The following ASIC2 variants were observed in gnomAD, a reference collection of about 807,000 sequenced individuals.
ASIC2 encodes acid sensing ion channel subunit 2.
A neutral mutation model predicts 57.3 loss-of-function variants in ASIC2; 25 were observed. That is an observed-to-expected ratio of 0.44 (90% CI 0.32 to 0.61). ASIC2 has a LOEUF of 0.61. Ranked by LOEUF, ASIC2 falls within the 20% of genes least tolerant of loss-of-function variation. ASIC2 has a pLI of 0.06. For missense variants in ASIC2, 641 were observed against 738.1 expected, an observed-to-expected ratio of 0.87 and a Z score of 1.52; for synonymous variants, 319 against 307.5, an observed-to-expected ratio of 1.04 and a Z score of -0.39.
intron 1 of ASIC2, among the ~76,000 whole-genome samples, chr17:33,168,675 A>C (rs1905395652): frequency 6.6e-6 from 1 of 152,238 alleles, no homozygotes; most frequent in Admixed American, 6.5e-5. Context: ...GCTATCTGGC[A>C]GAAGAAATAT....
chr17:33,871,333 CACT>C (rs1914400913), intron 1 of ASIC2, among the ~76,000 whole-genome samples: 1 of 152,176 alleles, frequency 6.6e-6, no homozygotes, highest in Admixed American at 6.5e-5. Context: ...TTTTGGGCAG[CACT>C]TGAAGAAATA....
At position 33,346,099 on chromosome 17, in the gene ASIC2, C is replaced by T. The variant is rs2645982; in HGVS notation, c.556-234032G>A. The stretch of plus-strand genomic sequence containing the variant: ...AAAATTAGTCAGGCATGGTCGTGGG[C>T]GTCTGTAATCTCAGCTACTTGAGAG... On this transcript the variant is annotated intron_variant, in intron 1 of 9. Transcript: ENST00000359872. 4.9e-4 allele frequency among the ~76,000 whole-genome samples: 74 copies of T among 151,694 alleles called. 1 individual carries two copies. The highest frequency in any genetic ancestry group is 1.2e-4 in the African/African-American group (5 of 41,370).
intron 1 of ASIC2, among the ~76,000 whole-genome samples, chr17:33,958,633 A>AG (rs1275035428): frequency 5.3e-5 from 8 of 152,112 alleles, no homozygotes; most frequent in East Asian, 1.9e-4. Flanking sequence ...TGCACACTGA[A>AG]GGGGGGGTCT....
At chr17:34,139,278 G>A (rs967163127) in intron 1 of ASIC2, among the ~76,000 whole-genome samples, 1 of 152,156 alleles carries the variant, frequency 6.6e-6, no homozygotes, top group African/African-American at 2.4e-5. Context: ...ATCTCACCAT[G>A]TTTTTAAATC....
intron 1 of ASIC2, among the ~76,000 whole-genome samples, chr17:33,162,794 C>A (rs1905198419): frequency 6.6e-6 from 1 of 152,122 alleles, no homozygotes; most frequent in African/African-American, 2.4e-5. Context: ...GGCCGTGGCT[C>A]CTGTTTCTCT....
intron 1 of ASIC2, among the ~76,000 whole-genome samples, chr17:33,973,810 T>A (rs1416118199): frequency 6.6e-6 from 1 of 152,110 alleles, no homozygotes; most frequent in Admixed American, 6.6e-5. Context: ...TTTGCTGTGA[T>A]CCTTGGGGTG....
chr17:33,172,057 C>T (rs1230684060), intron 1 of ASIC2, among the ~76,000 whole-genome samples: 6 of 152,200 alleles, frequency 3.9e-5, no homozygotes, highest in African/African-American at 1.2e-4. Flanking sequence ...TGATTAATGT[C>T]TGTGTCCTCC....
chr17:33,543,538 A>G (rs1159572906), intron 1 of ASIC2, among the ~76,000 whole-genome samples: 1 of 152,168 alleles, frequency 6.6e-6, no homozygotes, highest in East Asian at 1.9e-4. Context: ...TTTCAGCTGC[A>G]AGCAATTGAT....
At chr17:33,114,191 G>A (rs1238660293) in intron 1 of ASIC2, among the ~76,000 whole-genome samples, 1 of 152,206 alleles carries the variant, frequency 6.6e-6, no homozygotes, top group Admixed American at 6.5e-5. Context: ...CATGGCAGAG[G>A]AGAACAGCTG....
chr17:34,090,214 C>T lies in ASIC2; in HGVS notation c.555+65764G>A, dbSNP rs9889818. On this transcript the variant is annotated intron_variant, in intron 1 of 9. Transcript: ENST00000359872. ...CCCTTGTATGGCAAGGAGACTTAAGCATCCTTGTCCTTCTTCCCTGAAAAT... is the reference window on the plus strand; with the variant it reads ...CCCTTGTATGGCAAGGAGACTTAAGTATCCTTGTCCTTCTTCCCTGAAAAT... Among the ~76,000 whole-genome samples, 1,002 of 152,314 alleles carry T rather than the reference C, an allele frequency of 6.6e-3. 11 individuals are homozygous for T. Among genetic ancestry groups the T allele is most frequent in the African/African-American group, 0.022 (920 of 41,564 alleles).
chr17:33,855,050 G>A (rs1913883779), intron 1 of ASIC2, among the ~76,000 whole-genome samples: 1 of 152,170 alleles, frequency 6.6e-6, no homozygotes, highest in Admixed American at 6.5e-5. Context: ...GGCAGGGGAT[G>A]GAAGGGCATG....
intron 1 of ASIC2, among the ~76,000 whole-genome samples, chr17:33,985,755 C>A (rs1905796340): frequency 6.6e-6 from 1 of 152,218 alleles, no homozygotes; most frequent in South Asian, 2.1e-4. Context: ...TGAGCCAGAT[C>A]TTGCCACTCC....
At chr17:34,008,670 C>A (rs1220452006) in intron 1 of ASIC2, among the ~76,000 whole-genome samples, 1 of 152,100 alleles carries the variant, frequency 6.6e-6, no homozygotes, top group Admixed American at 6.5e-5. Context: ...AAGGGAAGGG[C>A]CTTCCCTCCC....
chr17:33,051,028 G>T (rs1295876469), intron 3 of ASIC2, among the ~76,000 whole-genome samples: 1 of 152,110 alleles, frequency 6.6e-6, no homozygotes, highest in Non-Finnish European at 1.5e-5. Context: ...TAATGTTGAA[G>T]CCCTGCACTA....
At chr17:33,413,704 C>T (rs1006568698) in intron 1 of ASIC2, among the ~76,000 whole-genome samples, 1 of 152,234 alleles carries the variant, frequency 6.6e-6, no homozygotes, top group Admixed American at 6.5e-5. Flanking sequence ...CTTTTCCCAG[C>T]CTTGGCTTCA....
intron 1 of ASIC2, among the ~76,000 whole-genome samples, chr17:33,727,490 C>A (rs1229902211): frequency 1.3e-5 from 2 of 152,064 alleles, no homozygotes; most frequent in Non-Finnish European, 2.9e-5. Flanking sequence ...GGAGGTGGGG[C>A]CTGGTGATTG....
At chr17:33,692,951 A>G (rs1908420508) in intron 1 of ASIC2, among the ~76,000 whole-genome samples, 1 of 152,198 alleles carries the variant, frequency 6.6e-6, no homozygotes, top group South Asian at 2.1e-4. Context: ...CATATTTTAA[A>G]TCTTTATGTA....
intron 1 of ASIC2, among the ~76,000 whole-genome samples, chr17:33,277,573 C>T (rs1431861916): frequency 2.0e-5 from 3 of 152,170 alleles, no homozygotes; most frequent in Non-Finnish European, 4.4e-5. Flanking sequence ...CCTGACCTAA[C>T]GTTTTGGAGG....
At chr17:33,772,831 C>T (rs1222224843) in intron 1 of ASIC2, among the ~76,000 whole-genome samples, 1 of 152,176 alleles carries the variant, frequency 6.6e-6, no homozygotes, top group Non-Finnish European at 1.5e-5. Flanking sequence ...TGGCCACTTA[C>T]TGGCTGTGTG....
Sources: gnomAD v4.1 joint callset for allele counts (sites outside exome capture counted in the v4.1 genomes callset) on GRCh38, gnomAD v4.1.1 for gene constraint, MANE v1.5 for transcripts, NCBI Gene and HGNC (gene_info 2026-07-23, HGNC 2026-07-21) for gene names.